The following KAZN variants were observed in gnomAD, a reference collection of about 807,000 sequenced individuals.
The protein encoded by KAZN is kazrin, periplakin interacting protein, also known as kazrin.
KAZN carries 40 observed loss-of-function variants against 87.4 expected under a neutral mutation model. That is an observed-to-expected ratio of 0.46 (90% CI 0.36 to 0.60). The LOEUF is 0.60. KAZN is among the 20% of genes least tolerant of loss of function. The pLI, the probability that KAZN is intolerant of heterozygous loss-of-function variation, is 0.00. For synonymous variants in KAZN, 466 were observed against 458.3 expected, an observed-to-expected ratio of 1.02 and a Z score of -0.22; for missense variants, 898 against 1,073.9, an observed-to-expected ratio of 0.84 and a Z score of 2.29.
At chr1:13,998,656 A>G (rs1639638133) in intron 1 of KAZN, among the ~76,000 whole-genome samples, 1 of 152,186 alleles carries the variant, frequency 6.6e-6, no homozygotes. Flanking sequence ...CAATGCAACA[A>G]GAAGAGCTAA....
At chr1:14,736,283 GTGT>G in intron 1 of KAZN, among the ~76,000 whole-genome samples, 1 of 146,150 alleles carries the variant, frequency 6.8e-6, no homozygotes, top group Middle Eastern at 3.4e-3. Context: ...GTGTGTGTGT[GTGT>G]GTGTGTGTGT....
chr1:14,121,030 C>A (rs1304827206), intron 1 of KAZN, among the ~76,000 whole-genome samples: 1 of 152,134 alleles, frequency 6.6e-6, no homozygotes, highest in Non-Finnish European at 1.5e-5. Context: ...GCCATCTTGG[C>A]ACTATGAGGC....
intron 1 of KAZN, among the ~76,000 whole-genome samples, chr1:14,819,900 G>A (rs1052418909): frequency 6.6e-6 from 1 of 151,824 alleles, no homozygotes; most frequent in African/African-American, 2.4e-5. Flanking sequence ...AGTAGAGACA[G>A]GGTTTCACCA....
intron 2 of KAZN, among the ~76,000 whole-genome samples, chr1:14,186,826 C>A (rs1168914482): frequency 6.6e-6 from 1 of 152,140 alleles, no homozygotes; most frequent in Non-Finnish European, 1.5e-5. Flanking sequence ...CTTGGCACTG[C>A]TCTAAGTTCT....
intron 1 of KAZN, among the ~76,000 whole-genome samples, chr1:13,980,180 A>G (rs1638594783): frequency 6.6e-6 from 1 of 152,156 alleles, no homozygotes; most frequent in Non-Finnish European, 1.5e-5. Flanking sequence ...GAAGGAGAAA[A>G]GTGAAATAAT....
intron 2 of KAZN, among the ~76,000 whole-genome samples, chr1:14,223,579 C>T (rs1647160137): frequency 6.6e-6 from 1 of 152,100 alleles, no homozygotes; most frequent in South Asian, 2.1e-4. Context: ...TCTTCTTCTT[C>T]CTTATGTTCT....
intron 1 of KAZN, among the ~76,000 whole-genome samples, chr1:14,645,444 T>A (rs1022820650): frequency 5.3e-5 from 8 of 152,210 alleles, no homozygotes. Context: ...CAGGGGATAG[T>A]TTTCCATTAG....
At chr1:14,994,357 C>T (rs1420630283) in intron 2 of KAZN, among the ~76,000 whole-genome samples, 1 of 152,242 alleles carries the variant, frequency 6.6e-6, no homozygotes, top group Non-Finnish European at 1.5e-5. Context: ...CTCATTGCGC[C>T]ATACATTGTA....
At chr1:14,265,677 C>A (rs1219254719) in intron 2 of KAZN, among the ~76,000 whole-genome samples, 1 of 152,094 alleles carries the variant, frequency 6.6e-6, no homozygotes, top group African/African-American at 2.4e-5. Flanking sequence ...TTTCACATGC[C>A]CCCACAGCAT....
intron 1 of KAZN, among the ~76,000 whole-genome samples, chr1:13,915,444 C>T (rs1235589358): frequency 6.6e-5 from 10 of 152,244 alleles, no homozygotes; most frequent in South Asian, 4.2e-4. Flanking sequence ...ATGGAGGACC[C>T]GCAATAGCAA....
intron 2 of KAZN, among the ~76,000 whole-genome samples, chr1:14,553,725 C>T (rs4233530): frequency 0.2 from 30,687 of 152,038 alleles, 3,750 homozygotes; most frequent in Middle Eastern, 0.31. Context: ...CCATGTGGAA[C>T]GATGGGGCTT....
chr1:14,478,927 T>C (rs1415282604), intron 2 of KAZN, among the ~76,000 whole-genome samples: 1 of 152,150 alleles, frequency 6.6e-6, no homozygotes, highest in Non-Finnish European at 1.5e-5. Flanking sequence ...GGAAAATAAT[T>C]CAGGGAAGAA....
chr1:14,253,149 G>T (rs1302536659), intron 2 of KAZN, among the ~76,000 whole-genome samples: 1 of 150,834 alleles, frequency 6.6e-6, no homozygotes, highest in Non-Finnish European at 1.5e-5. Context: ...GCCCCACCCG[G>T]TTACCGGGGT....
intron 1 of KAZN, among the ~76,000 whole-genome samples, chr1:14,120,068 T>G (rs1020404160): frequency 1.3e-5 from 2 of 152,168 alleles, no homozygotes; most frequent in African/African-American, 4.8e-5. Context: ...GTATATTGTA[T>G]TAATCCGTTC....
chr1:14,089,868 C>T (rs989308853), intron 1 of KAZN, among the ~76,000 whole-genome samples: 1 of 152,132 alleles, frequency 6.6e-6, no homozygotes, highest in Non-Finnish European at 1.5e-5. Flanking sequence ...GACCCTTTCT[C>T]ACCATTATTT....
intron 2 of KAZN, among the ~76,000 whole-genome samples, chr1:14,354,984 A>T (rs952640340): frequency 6.6e-6 from 1 of 152,214 alleles, no homozygotes; most frequent in Non-Finnish European, 1.5e-5. Context: ...ACAAACTGGC[A>T]TGTTGATACA....
At chr1:13,930,584 A>T (rs1354319782) in intron 1 of KAZN, among the ~76,000 whole-genome samples, 2 of 152,182 alleles carry the variant, frequency 1.3e-5, no homozygotes, top group Non-Finnish European at 2.9e-5. Flanking sequence ...GGGCTGGGGA[A>T]ACAGACACAG....
At position 14,923,946 on chromosome 1, in the gene KAZN, G is replaced by T. The variant is rs1383143250; in HGVS notation, c.227-36738G>T. Among the ~76,000 whole-genome samples the T allele has an allele frequency of 6.6e-6, 1 of 151,810 alleles. No homozygotes were observed. Among genetic ancestry groups the T allele is most frequent in the Non-Finnish European group, 1.5e-5 (1 of 67,938 alleles). ...TCTTTCTGACCCTCCGTGTCCCCGG[G>T]AATGACCGCGTCGGGGATGCACCGA... On this transcript the variant is annotated intron_variant, in intron 1 of 14. Transcript: ENST00000376030. This position sits in a 1 kb window ranked among gnomAD's most constrained non-coding sequence, Gnocchi z 4.2.
At chr1:14,588,837 C>T (rs373158484) in intron 2 of KAZN, among the ~76,000 whole-genome samples, 2 of 152,172 alleles carry the variant, frequency 1.3e-5, no homozygotes, top group East Asian at 1.9e-4. Flanking sequence ...AAGAATGAAG[C>T]TCAGTTTCTT....
Sources: gnomAD v4.1 joint callset for allele counts (sites outside exome capture counted in the v4.1 genomes callset) on GRCh38, gnomAD v4.1.1 for gene constraint, Gnocchi (gnomAD v3.1) non-coding constraint, MANE v1.5 for transcripts, NCBI Gene and HGNC (gene_info 2026-07-23, HGNC 2026-07-21) for gene names.